The following ADK variants were observed in gnomAD, a reference collection of about 807,000 sequenced individuals.
ADK encodes adenosine kinase.
In ADK, 24 loss-of-function variants were observed where a neutral mutation model predicts 44.7. The observed-to-expected ratio is 0.54, with a 90% confidence interval of 0.39 to 0.76. ADK has a LOEUF of 0.76. Among genes scored for constraint, ADK ranks in the 30% least tolerant of loss-of-function variants. ADK has a pLI of 0.00. For missense variants in ADK, 321 were observed against 425.1 expected (o/e 0.76, Z 2.15); for synonymous variants, 128 against 142.6 (o/e 0.90, Z 0.73).
chr10:74,449,499 T>A (rs914968138), intron 6 of ADK, among the ~76,000 whole-genome samples: 1 of 152,218 alleles, frequency 6.6e-6, no homozygotes, highest in African/African-American at 2.4e-5. Flanking sequence ...AAATAGAAAG[T>A]TCAGGGCATT....
intron 2 of ADK, among the ~76,000 whole-genome samples, chr10:74,223,902 A>G (rs1486336119): frequency 1.3e-5 from 2 of 152,132 alleles, no homozygotes; most frequent in Non-Finnish European, 2.9e-5. Context: ...CAGCCTGGCC[A>G]ACATGTTAAA....
intron 3 of ADK, among the ~76,000 whole-genome samples, chr10:74,259,656 A>C (rs1443399654): frequency 2.0e-5 from 3 of 151,482 alleles, no homozygotes; most frequent in Non-Finnish European, 4.4e-5. Flanking sequence ...ACGGGGTTTC[A>C]CCATGTTAGC....
chr10:74,660,729 CAAAAAAA>C (rs747443907), intron 9 of ADK, among the ~76,000 whole-genome samples: 3 of 92,884 alleles, frequency 3.2e-5, no homozygotes, highest in African/African-American at 1.4e-4. Flanking sequence ...GACCCTGTCT[CAAAAAAA>C]AAAAAAAAAA....
chr10:74,294,804 CTTAAG>C (rs2132492824), intron 3 of ADK, among the ~76,000 whole-genome samples: 1 of 152,110 alleles, frequency 6.6e-6, no homozygotes, highest in South Asian at 2.1e-4. Context: ...TTGTGAATTA[CTTAAG>C]TTTTTTACCC....
At chr10:74,466,827 TCTTC>T (rs1356573519) in intron 6 of ADK, among the ~76,000 whole-genome samples, 1 of 152,190 alleles carries the variant, frequency 6.6e-6, no homozygotes, top group Non-Finnish European at 1.5e-5. Flanking sequence ...AAATGTCATG[TCTTC>T]CTTTAATATC....
intron 4 of ADK, among the ~76,000 whole-genome samples, chr10:74,379,582 A>C (rs1842919484): frequency 6.6e-6 from 1 of 152,202 alleles, no homozygotes; most frequent in Non-Finnish European, 1.5e-5. Context: ...AGCTCCAGCC[A>C]TACAGGTGTT....
chr10:74,574,024 C>A (rs1015703219), intron 7 of ADK, among the ~76,000 whole-genome samples: 1 of 152,164 alleles, frequency 6.6e-6, no homozygotes, highest in African/African-American at 2.4e-5. Context: ...TGTCCTGCGC[C>A]CACTGTCTGG....
chr10:74,357,256 G>A (rs934978717), intron 4 of ADK, among the ~76,000 whole-genome samples: 2 of 152,156 alleles, frequency 1.3e-5, no homozygotes, highest in African/African-American at 2.4e-5. Flanking sequence ...GCAGGAGAAC[G>A]AATGCGGCAG....
chr10:74,575,346 G>T (rs1851147015), intron 7 of ADK, among the ~76,000 whole-genome samples: 1 of 152,176 alleles, frequency 6.6e-6, no homozygotes. Flanking sequence ...TCTGCAGTCT[G>T]CACATAATTG....
At chr10:74,629,970 C>A (rs1207694420) in intron 9 of ADK, among the ~76,000 whole-genome samples, 1 of 152,040 alleles carries the variant, frequency 6.6e-6, no homozygotes. Context: ...TATCCTTTGA[C>A]TCAGTAACTT....
intron 3 of ADK, among the ~76,000 whole-genome samples, chr10:74,276,156 G>A (rs572855130): frequency 3.9e-5 from 6 of 152,194 alleles, no homozygotes; most frequent in South Asian, 2.1e-4. Context: ...AGCTCTTCTC[G>A]TAAATATGAA....
At chr10:74,573,911 C>G (rs1026348314) in intron 7 of ADK, among the ~76,000 whole-genome samples, 2 of 152,194 alleles carry the variant, frequency 1.3e-5, no homozygotes, top group Non-Finnish European at 2.9e-5. Flanking sequence ...CCGTCTGTCA[C>G]CCCTTTCTTT....
chr10:74,591,940 A>G (rs895232239), intron 8 of ADK, among the ~76,000 whole-genome samples: 1 of 152,102 alleles, frequency 6.6e-6, no homozygotes, highest in Non-Finnish European at 1.5e-5. Flanking sequence ...GCCTCTAAAA[A>G]TAACCAGTGT....
chr10:74,424,575 T>G (rs1433973478), intron 6 of ADK, among the ~76,000 whole-genome samples: 1 of 141,650 alleles, frequency 7.1e-6, no homozygotes, highest in Non-Finnish European at 1.5e-5. Flanking sequence ...AAAATTCCCC[T>G]GCCTCTCTCC....
At chr10:74,223,481 C>A (rs1388305739) in intron 2 of ADK, among the ~76,000 whole-genome samples, 1 of 152,124 alleles carries the variant, frequency 6.6e-6, no homozygotes, top group African/African-American at 2.4e-5. Context: ...AAGAGGAGAC[C>A]AGAGAGGAAA....
chr10:74,505,519 T>A (rs895447619), intron 6 of ADK, among the ~76,000 whole-genome samples: 7 of 134,678 alleles, frequency 5.2e-5, no homozygotes, highest in Non-Finnish European at 1.1e-4. Context: ...TCCCCCCACT[T>A]TTTTTTTTTT....
chr10:74,473,713 G>A lies in ADK; in HGVS notation c.556-51543G>A, dbSNP rs534255476. Among the ~76,000 whole-genome samples the A allele has an allele frequency of 5.8e-4, 88 of 152,308 alleles. 1 individual carries two copies. The highest frequency in any genetic ancestry group is 5.4e-3 in the South Asian group (26 of 4,828). ...ACGTAGTATCAATCTGTTACTGTTA[G>A]TGTGAACCTTGAACATCAAGTTAAG... On this transcript the variant is annotated intron_variant, in intron 6 of 10. Coordinates refer to ENST00000539909, the MANE Select transcript of ADK (RefSeq NM_006721.4).
chr10:74,700,105 T>G (rs1856360801), intron 10 of ADK, among the ~76,000 whole-genome samples: 1 of 152,194 alleles, frequency 6.6e-6, no homozygotes, highest in Non-Finnish European at 1.5e-5. Flanking sequence ...TTGTTTATAT[T>G]TCCAAAACAT....
rs16931301 is a variant in ADK at position 74,263,823 on chromosome 10, C to T, written c.194+39232C>T. Among the ~76,000 whole-genome samples the T allele has an allele frequency of 4.9e-3, 752 of 152,254 alleles. 5 individuals are homozygous for T. The highest frequency in any genetic ancestry group is 0.017 in the African/African-American group (709 of 41,556). ...TAACATTGAATTTTTAGATTTTTCC[C>T]TGTTAATGCACGTAATTTATATGTA... On this transcript the variant is annotated intron_variant, in intron 3 of 10. Transcript: ENST00000539909.
Sources: gnomAD v4.1 joint callset for allele counts (sites outside exome capture counted in the v4.1 genomes callset) on GRCh38, gnomAD v4.1.1 for gene constraint, MANE v1.5 for transcripts, NCBI Gene and HGNC (gene_info 2026-07-23, HGNC 2026-07-21) for gene names.